The following ABCC12 variants were observed in gnomAD, a reference collection of about 807,000 sequenced individuals.
ABCC12 encodes ATP binding cassette subfamily C member 12.
A neutral mutation model predicts 151.1 loss-of-function variants in ABCC12; 142 were observed. That is an observed-to-expected ratio of 0.94 (90% CI 0.82 to 1.08). The LOEUF is 1.08. ABCC12 is among the 50% of genes least tolerant of loss of function. ABCC12 has a pLI of 0.00. For missense variants in ABCC12, 1,638 were observed against 1,691.1 expected (o/e 0.97, Z 0.55); for synonymous variants, 645 against 646.4 (o/e 1.00, Z 0.03).
chr16:48,114,960 G>A (rs937890042), intron 15 of ABCC12, among the ~76,000 whole-genome samples: 16 of 152,166 alleles, frequency 1.1e-4, no homozygotes, highest in African/African-American at 3.6e-4. Flanking sequence ...TTCCCCTGGG[G>A]TGTGATACCT....
rs372152917 is a variant in ABCC12, at chr16:48,117,385, C to T, written c.1713-52G>A. The T allele has an allele frequency of 8.8e-5, 139 of 1,582,146 alleles. No homozygotes were observed. The African/African-American group carries it at 1.8e-3, about 20-fold the overall frequency. Reference sequence around the variant, plus strand: ...TGGGTGAGAAAGACCCCAAGCACTGCTGCCCTGGGCTGCTTCCACAGGCGC... The same window carrying T: ...TGGGTGAGAAAGACCCCAAGCACTGTTGCCCTGGGCTGCTTCCACAGGCGC... On this transcript the variant is annotated intron_variant, in intron 13 of 30. Coordinates refer to ENST00000311303, the MANE Select transcript of ABCC12 (RefSeq NM_001393797.1).
Position 48,082,819 on chromosome 16 carries a change from T to G in ABCC12, c.*896A>C, listed in dbSNP as rs1962399732. Among the ~76,000 whole-genome samples, 1 of 152,188 alleles carries G rather than the reference T, an allele frequency of 6.6e-6. No individual in the cohort carries two copies. The highest frequency in any genetic ancestry group is 6.5e-5 in the Admixed American group (1 of 15,286). The stretch of plus-strand genomic sequence containing the variant: ...GCTTGCTGGATTTTCTATAAATATT[T>G]TTTTCCCAAATGTCACCATGAGTTA... On this transcript the variant is annotated 3_prime_UTR_variant, in exon 31 of 31. Coordinates refer to ENST00000311303, the MANE Select transcript of ABCC12 (RefSeq NM_001393797.1).
At chr16:48,127,569 T>C (rs1597318255) in intron 11 of ABCC12, among the ~76,000 whole-genome samples, 1 of 152,356 alleles carries the variant, frequency 6.6e-6, no homozygotes, top group East Asian at 1.9e-4. Flanking sequence ...GAAACCCTCC[T>C]CTGCCACTTG....
intron 25 of ABCC12, 120 bp from the exon 26 acceptor site, chr16:48,088,854 A>C (rs907922688): frequency 1.2e-6 from 1 of 832,790 alleles, no homozygotes; most frequent in African/African-American, 1.7e-5. Flanking sequence ...GAAATAAACC[A>C]ATAATGACCC....
chr16:48,153,384 A>AT (rs11379823), intron 2 of ABCC12, among the ~76,000 whole-genome samples: 9,196 of 151,704 alleles, frequency 0.061, 924 homozygotes, highest in African/African-American at 0.21. Flanking sequence ...AAAGGGGATG[A>AT]TTTTTTTTTC....
At chr16:48,149,567 A>G (rs1965090345) in intron 2 of ABCC12, among the ~76,000 whole-genome samples, 1 of 152,214 alleles carries the variant, frequency 6.6e-6, no homozygotes, top group Non-Finnish European at 1.5e-5. Context: ...TTATGATCTT[A>G]TGATAGGGAA....
At chr16:48,129,309 C>T (rs1964344238) in intron 10 of ABCC12, among the ~76,000 whole-genome samples, 1 of 152,190 alleles carries the variant, frequency 6.6e-6, no homozygotes, top group Non-Finnish European at 1.5e-5. Context: ...CTGTGACTGC[C>T]AGAGAAGGGA....
intron 27 of ABCC12, 67 bp from the exon 28 acceptor site, chr16:48,086,886 G>C (rs892577220): frequency 1.5e-6 from 2 of 1,371,748 alleles, no homozygotes; most frequent in Non-Finnish European, 2.1e-6. Flanking sequence ...ATGCGGAGCA[G>C]GTTTTCTGTA....
chr16:48,107,368 G>A lies in ABCC12; in HGVS notation c.2429C>T (p.Ala810Val). 6.2e-7 allele frequency: 1 copy of A among 1,614,146 alleles called. No homozygotes were observed. The highest frequency in any genetic ancestry group is 8.5e-7 in the Non-Finnish European group (1 of 1,180,030). ...GAGACCCAGCCACCAGTTGCTGAAG[G>A]CAGCGCTGCCAATCATCAGGAGGAA... ...FLFLLMIGSA[A>V]FSNWWLGLWL... The change falls in exon 20 of 31, where the codon GCC (alanine) becomes GTC (valine). Residue 810 changes from alanine (A) to valine (V), a missense_variant. By Grantham distance (64) the Ala-to-Val change is moderately conservative. Coordinates refer to ENST00000311303, the MANE Select transcript of ABCC12 (RefSeq NM_001393797.1).
At chr16:48,106,830 T>A (rs1055632481) in intron 20 of ABCC12, among the ~76,000 whole-genome samples, 1 of 151,144 alleles carries the variant, frequency 6.6e-6, no homozygotes, top group Admixed American at 6.6e-5. Flanking sequence ...CAGAGAAGGG[T>A]CCCCCATGGC....
intron 13 of ABCC12, 36 bp downstream of exon 13, chr16:48,121,680 C>T (rs759893218): frequency 6.2e-7 from 1 of 1,612,818 alleles, no homozygotes; most frequent in South Asian, 1.1e-5. Context: ...GTGTACCAAA[C>T]ACAAATGTGC....
chr16:48,115,605 C>T lies in ABCC12; in HGVS notation c.1799G>A (p.Gly600Asp), dbSNP rs1263507436. The T allele has an allele frequency of 1.2e-6, 2 of 1,613,572 alleles. No homozygotes were observed. Among genetic ancestry groups the T allele is most frequent in the South Asian group, 2.2e-5 (2 of 91,044 alleles). ...CCTCTGCCCCCCAGAGAGGTTGAGGCCCCGCTCCCCAATCTGTGGACAGGG... is the reference window on the plus strand; with the variant it reads ...CCTCTGCCCCCCAGAGAGGTTGAGGTCCCGCTCCCCAATCTGTGGACAGGG... Reference protein sequence around the residue: ...YGDLTEIGERGLNLSGGQRQR... With the variant: ...YGDLTEIGERDLNLSGGQRQR... The change falls in exon 15 of 31, where the codon GGC becomes GAC. Residue 600 changes from glycine (G) to aspartate (D), a missense_variant. Coordinates refer to ENST00000311303, the MANE Select transcript of ABCC12 (RefSeq NM_001393797.1).
At chr16:48,096,949 C>A in intron 23 of ABCC12, 47 bp from the exon 24 acceptor site, 1 of 1,612,940 alleles carries the variant, frequency 6.2e-7, no homozygotes, top group South Asian at 1.1e-5. Flanking sequence ...TCAAGAAAAT[C>A]AGAAAAAGCA....
rs1597298052 is a variant in ABCC12 at position 48,083,502 on chromosome 16, C to A, written c.*213G>T. On this transcript the variant is annotated 3_prime_UTR_variant, in exon 31 of 31. Transcript: ENST00000311303. Reference sequence around the variant, plus strand: ...TTTTAATCCATTAGCTGGGTCTGCCCCGGTTCACCACCCAGAACCAACCCC... The same window carrying A: ...TTTTAATCCATTAGCTGGGTCTGCCACGGTTCACCACCCAGAACCAACCCC... The A allele has an allele frequency of 1.8e-6, 1 of 566,134 alleles. No homozygotes were observed. Among genetic ancestry groups the A allele is most frequent in the East Asian group, 3.0e-5 (1 of 32,902 alleles). 35.1% of individuals were successfully genotyped at this position (566,134 alleles called of 1,614,324 possible). A position where few individuals can be genotyped will look rare whatever the true frequency, so the allele number is the denominator to read the frequency against.
rs190835274 is a variant in ABCC12, at chr16:48,102,094, C to T, written c.2901-1085G>A. Among the ~76,000 whole-genome samples the T allele has an allele frequency of 2.4e-3, 361 of 152,312 alleles. 4 individuals carry two copies. Among genetic ancestry groups the T allele is most frequent in the African/African-American group, 8.3e-3 (347 of 41,564 alleles). On this transcript the variant is annotated intron_variant, in intron 22 of 30. Coordinates refer to ENST00000311303, the MANE Select transcript of ABCC12 (RefSeq NM_001393797.1). The stretch of plus-strand genomic sequence containing the variant: ...CTTTCCCCGCCTAGGTAACAAAAGG[C>T]TCAAAGGCTACTCTCCTTGCACACC...
At chr16:48,133,483 G>A (rs1964499995) in intron 9 of ABCC12, among the ~76,000 whole-genome samples, 1 of 150,090 alleles carries the variant, frequency 6.7e-6, no homozygotes, top group East Asian at 2.0e-4. Flanking sequence ...CCGCCATCAC[G>A]CCACTGCACT....
Position 48,083,221 on chromosome 16 carries a change from C to T in ABCC12, c.*494G>A, listed in dbSNP as rs1454512473. 3 of 155,540 alleles carry T rather than the reference C, an allele frequency of 1.9e-5. No individual in the cohort carries two copies. The highest frequency in any genetic ancestry group is 4.8e-5 in the African/African-American group (2 of 41,496). The allele number at this position is 155,540 out of a possible 1,614,324, so 9.6% of individuals were successfully genotyped here. On this transcript the variant is annotated 3_prime_UTR_variant, in exon 31 of 31. Coordinates refer to ENST00000311303, the MANE Select transcript of ABCC12 (RefSeq NM_001393797.1). ...ACACTGTATTCAGTCTTTCACGCTACAAATCTGTGTCATTACCACTTGTCA... is the reference window on the plus strand; with the variant it reads ...ACACTGTATTCAGTCTTTCACGCTATAAATCTGTGTCATTACCACTTGTCA...
In ABCC12 at chr16:48,151,734, G is replaced by A. The variant is rs966992994; in HGVS notation, c.-51+1882C>T. ...AAGATGATGGTTACCTCTAGGGGTG[G>A]GGAAATAAGATCTGGAAGTTACTCA... On this transcript the variant is annotated intron_variant, in intron 2 of 30. Transcript: ENST00000311303. 4.6e-5 allele frequency among the ~76,000 whole-genome samples: 7 copies of A among 152,242 alleles called. 1 individual carries two copies. The highest frequency in any genetic ancestry group is 4.6e-4 in the Admixed American group (7 of 15,292).
At chr16:48,111,125 C>T (rs949726289) in intron 18 of ABCC12, among the ~76,000 whole-genome samples, 10 of 152,138 alleles carry the variant, frequency 6.6e-5, no homozygotes, top group Non-Finnish European at 1.5e-4. Context: ...AGGCAGTGTG[C>T]GAATCATTTT....
Sources: allele counts gnomAD v4.1 joint callset (sites outside exome capture counted in the v4.1 genomes callset), GRCh38; gene constraint gnomAD v4.1.1; transcripts MANE v1.5; gene names NCBI Gene and HGNC (gene_info 2026-07-23, HGNC 2026-07-21).